FRMD4A: variants seen among roughly 807,000 people sequenced by gnomAD.
FRMD4A encodes the protein FERM domain containing 4A, also known as FERM domain-containing protein 4A.
FRMD4A carries 29 observed loss-of-function variants against 129.1 expected under a neutral mutation model. That is an observed-to-expected ratio of 0.22 (90% CI 0.17 to 0.31). The LOEUF is 0.31. Among genes scored for constraint, FRMD4A ranks in the 10% least tolerant of loss-of-function variants. The probability of loss-of-function intolerance (pLI) is 1.00; values close to 1 mark genes in which losing one functional copy is unlikely to be tolerated. For missense variants in FRMD4A, 1,272 were observed against 1,375.8 expected, an observed-to-expected ratio of 0.92 and a Z score of 1.19; for synonymous variants, 634 against 571.6, an observed-to-expected ratio of 1.11 and a Z score of -1.56.
rs1210508106 is a variant in FRMD4A, at chr10:13,714,006, A to AAAATACATATATAATATAC, written c.760-6894_760-6893insGTATATTATATATGTATTT. 1.1e-4 allele frequency among the ~76,000 whole-genome samples: 2 copies of AAAATACATATATAATATAC among 17,788 alleles called. 1 individual carries two copies. Among genetic ancestry groups the AAAATACATATATAATATAC allele is most frequent in the East Asian group, 1.5e-3 (2 of 1,378 alleles). 11.7% of individuals were successfully genotyped at this position (17,788 alleles called of 152,430 possible). On this transcript the variant is annotated intron_variant, in intron 12 of 24. Transcript: ENST00000357447. The stretch of plus-strand genomic sequence containing the variant: ...ATATACATATATAATATACATATAT[A>AAAATACATATATAATATAC]ATATACATATATAAAATATACATAT...
chr10:13,761,683 A>C lies in FRMD4A; in HGVS notation c.442-14T>G, dbSNP rs1466210363. 1 of 1,589,578 alleles carries C rather than the reference A, an allele frequency of 6.3e-7. No individual in the cohort carries two copies. Among genetic ancestry groups the C allele is most frequent in the Non-Finnish European group, 8.6e-7 (1 of 1,160,708 alleles). On this transcript the variant is annotated splice_polypyrimidine_tract_variant and intron_variant, in intron 7 of 24. Transcript: ENST00000357447. ...TCCCTTTGCCTCCTGTAGAAGAAAAAATTCAACATCAGCGAAATACACTAA... is the reference window on the plus strand; with the variant it reads ...TCCCTTTGCCTCCTGTAGAAGAAAACATTCAACATCAGCGAAATACACTAA...
In FRMD4A at chr10:13,794,798, G is replaced by A. The variant is rs142588277; in HGVS notation, c.299+1698C>T. ...TGGTGGAAGCGTCTATTATGGCTACGGATCAGAAGTGGATGTTACATCTGG... is the reference window on the plus strand; with the variant it reads ...TGGTGGAAGCGTCTATTATGGCTACAGATCAGAAGTGGATGTTACATCTGG... On this transcript the variant is annotated intron_variant, in intron 5 of 24. Transcript: ENST00000357447. Among the ~76,000 whole-genome samples the A allele has an allele frequency of 2.3e-3, 356 of 152,300 alleles. 2 individuals are homozygous for A. Among genetic ancestry groups the A allele is most frequent in the African/African-American group, 7.9e-3 (330 of 41,560 alleles).
At chr10:13,675,531 A>T (rs1160696009) in intron 15 of FRMD4A, 1 of 154,108 alleles carries the variant, frequency 6.5e-6, no homozygotes, top group Non-Finnish European at 1.4e-5. Context: ...CCTCCCGAGT[A>T]GCTGGGGTTA....
chr10:13,875,960 G>A (rs998711061), intron 2 of FRMD4A, among the ~76,000 whole-genome samples: 1 of 152,180 alleles, frequency 6.6e-6, no homozygotes, highest in South Asian at 2.1e-4. Flanking sequence ...ACTTTGCTTT[G>A]GTGGGCAAAA....
chr10:14,133,936 A>T (rs1001153794), intron 2 of FRMD4A, among the ~76,000 whole-genome samples: 21 of 150,134 alleles, frequency 1.4e-4, no homozygotes, highest in African/African-American at 5.0e-4. Flanking sequence ...GGACAGGAAG[A>T]TGGGGAAATA....
intron 3 of FRMD4A, among the ~76,000 whole-genome samples, chr10:13,829,799 C>T (rs2093761113): frequency 6.6e-6 from 1 of 152,186 alleles, no homozygotes; most frequent in South Asian, 2.1e-4. Context: ...TTCAGGAGAG[C>T]CAGGAGAAAG....
intron 2 of FRMD4A, among the ~76,000 whole-genome samples, chr10:14,169,338 G>A (rs1377386346): frequency 6.6e-6 from 1 of 152,152 alleles, no homozygotes; most frequent in African/African-American, 2.4e-5. Context: ...GTAAGAACAT[G>A]TCAATCTTGA....
intron 12 of FRMD4A, among the ~76,000 whole-genome samples, chr10:13,714,029 T>TATATATAAAATATATATTTTATATAC (rs1564672840): frequency 3.5e-5 from 1 of 28,336 alleles, no homozygotes; most frequent in Non-Finnish European, 6.6e-5. Flanking sequence ...AAAATATACA[T>TATATATAAAATATATATTTTATATAC]ATATATATAT....
chr10:14,290,481 G>A (rs1288520433), intron 2 of FRMD4A, among the ~76,000 whole-genome samples: 1 of 151,886 alleles, frequency 6.6e-6, no homozygotes, highest in African/African-American at 2.4e-5. Flanking sequence ...ACTGGGGAAG[G>A]GACAATCTTT....
In FRMD4A at chr10:13,821,407, G is replaced by A. The variant is rs1014663306; in HGVS notation, c.112-10499C>T. 3.9e-5 allele frequency among the ~76,000 whole-genome samples: 6 copies of A among 152,130 alleles called. No homozygotes were observed. Among genetic ancestry groups the A allele is most frequent in the Admixed American group, 2.6e-4 (4 of 15,278 alleles). On this transcript the variant is annotated intron_variant, in intron 3 of 24. Coordinates refer to ENST00000357447, the MANE Select transcript of FRMD4A (RefSeq NM_018027.5). The surrounding 1 kb of genome is among the most constrained non-coding windows in gnomAD (Gnocchi z 4.3). ...ACCCCGAAGCCAAGATCAGAGACCCGCCTGCCAGAGGTGGCATCTCTTTAC... is the reference window on the plus strand; with the variant it reads ...ACCCCGAAGCCAAGATCAGAGACCCACCTGCCAGAGGTGGCATCTCTTTAC...
chr10:13,682,788 G>A (rs538372212), intron 15 of FRMD4A, among the ~76,000 whole-genome samples: 8 of 152,012 alleles, frequency 5.3e-5, no homozygotes, highest in Middle Eastern at 3.4e-3. Flanking sequence ...GATTACAGGC[G>A]TGAGCCACTG....
intron 2 of FRMD4A, among the ~76,000 whole-genome samples, chr10:14,111,144 T>C (rs1467680412): frequency 1.3e-5 from 2 of 152,216 alleles, no homozygotes; most frequent in African/African-American, 2.4e-5. Flanking sequence ...TTATTCCCTC[T>C]CTACCCTAGC....
intron 15 of FRMD4A, chr10:13,684,106 C>G (rs1031819508): frequency 6.5e-6 from 1 of 153,838 alleles, no homozygotes; most frequent in African/African-American, 2.4e-5. Context: ...AGCAAAAAAT[C>G]TTTCCTCCCA....
chr10:14,178,704 C>G (rs866413084), intron 2 of FRMD4A, among the ~76,000 whole-genome samples: 7 of 152,188 alleles, frequency 4.6e-5, no homozygotes, highest in Middle Eastern at 3.4e-3. Flanking sequence ...GAACGATTTG[C>G]ATTTTTGCCT....
chr10:13,843,713 G>A (rs1437581525), intron 3 of FRMD4A, among the ~76,000 whole-genome samples: 3 of 152,154 alleles, frequency 2.0e-5, no homozygotes, highest in African/African-American at 7.2e-5. Flanking sequence ...GGCCAGGCTG[G>A]TCTCGAACTC....
intron 2 of FRMD4A, among the ~76,000 whole-genome samples, chr10:14,070,248 C>T (rs112143381): frequency 6.6e-6 from 1 of 151,890 alleles, no homozygotes; most frequent in Non-Finnish European, 1.5e-5. Flanking sequence ...TGTAATCCAG[C>T]ACCTCCTCTA....
At chr10:13,670,560 ACAAAT>A in intron 16 of FRMD4A, 32 bp from the exon 17 acceptor site, 1 of 1,607,860 alleles carries the variant, frequency 6.2e-7, no homozygotes, top group Non-Finnish European at 8.5e-7. Context: ...CGGAGTGAGC[ACAAAT>A]CAGAGTGGGG....
chr10:14,272,252 G>A (rs959057267), intron 2 of FRMD4A, among the ~76,000 whole-genome samples: 2 of 152,134 alleles, frequency 1.3e-5, no homozygotes, highest in African/African-American at 4.8e-5. Context: ...GGCCATGCTG[G>A]CTCTGAACCC....
At chr10:13,756,911 C>T (rs7093606) in intron 8 of FRMD4A, among the ~76,000 whole-genome samples, 2,010 of 152,156 alleles carry the variant, frequency 0.013, 81 homozygotes, top group South Asian at 0.12. Context: ...TCCTATCAGT[C>T]GATTAAATGA....
Sources: allele counts gnomAD v4.1 joint callset (sites outside exome capture counted in the v4.1 genomes callset), GRCh38; gene constraint gnomAD v4.1.1; non-coding constraint Gnocchi (gnomAD v3.1); transcripts MANE v1.5; gene names NCBI Gene and HGNC (gene_info 2026-07-23, HGNC 2026-07-21).